ARPC1B: variants seen among roughly 807,000 people sequenced by gnomAD.
ARPC1B encodes actin-related protein 2/3 complex subunit 1B.
A neutral mutation model predicts 46.0 loss-of-function variants in ARPC1B; 29 were observed. The ratio of observed to expected loss-of-function variants is 0.63; its 90% CI spans 0.47 to 0.86. The LOEUF is 0.86. Among genes scored for constraint, ARPC1B ranks in the 40% least tolerant of loss-of-function variants. ARPC1B has a pLI of 0.00. For synonymous variants in ARPC1B, 201 were observed against 213.9 expected (o/e 0.94, Z 0.53); for missense variants, 469 against 529.4 (o/e 0.89, Z 1.12).
In ARPC1B at chr7:99,392,733, C is replaced by T. The variant is rs756166797; in HGVS notation, c.846C>T (p.Gly282=). The T allele has an allele frequency of 3.2e-6, 5 of 1,548,172 alleles. No homozygotes were observed. Among genetic ancestry groups the T allele is most frequent in the East Asian group, 2.4e-5 (1 of 40,850 alleles). Residue 282 remains glycine, a synonymous_variant, in exon 8 of 10, where the codon GGC becomes GGT. Coordinates refer to ENST00000646101, the MANE Select transcript of ARPC1B (RefSeq NM_005720.4). ...CCGCCGCGGGGATGCTGAGCTTCGG[C>T]GGGCGGCTGGACGTTCCTAAGCAGA... is the stretch of plus-strand genomic sequence containing the variant. ...YDAAAGMLSF[G]GRLDVPKQSS...
At chr7:99,390,291 A>G (rs945875894) in intron 5 of ARPC1B, among the ~76,000 whole-genome samples, 1 of 152,008 alleles carries the variant, frequency 6.6e-6, no homozygotes, top group Non-Finnish European at 1.5e-5. Context: ...AGCTCACTGC[A>G]GCCTCCAAAT....
Position 99,391,198 on chromosome 7 carries a change from A to C in ARPC1B, c.728A>C (p.Glu243Ala). The C allele has an allele frequency of 6.2e-7, 1 of 1,614,084 alleles. No homozygotes were observed. Among genetic ancestry groups the C allele is most frequent in the East Asian group, 2.2e-5 (1 of 44,870 alleles). The change falls in exon 7 of 10, where the codon GAA (glutamate) becomes GCA (alanine). Residue 243 changes from glutamate (E) to alanine (A), a missense_variant. By Grantham distance (107) the Glu-to-Ala change is moderately radical (BLOSUM62 -1). Coordinates refer to ENST00000646101, the MANE Select transcript of ARPC1B (RefSeq NM_005720.4). ...KKMAVATLAS[E>A]TLPLLALTFI... Reference sequence around the variant, plus strand: ...CTCAGCGTCGCGACTCTGGCCTCTGAAACACTACCACTGCTGGCGCTGACC... The same window carrying C: ...CTCAGCGTCGCGACTCTGGCCTCTGCAACACTACCACTGCTGGCGCTGACC...
At chr7:99,393,607 G>A (rs1203583159) in intron 8 of ARPC1B, among the ~76,000 whole-genome samples, 1 of 152,178 alleles carries the variant, frequency 6.6e-6, no homozygotes, top group East Asian at 1.9e-4. Flanking sequence ...CGGCGAATCA[G>A]AGGGAGCGGG....
chr7:99,390,501 T>G (rs1188372498), intron 5 of ARPC1B, among the ~76,000 whole-genome samples: 2 of 151,990 alleles, frequency 1.3e-5, no homozygotes, highest in Non-Finnish European at 2.9e-5. Context: ...CTTAGCCTCC[T>G]GAGTAGCTGG....
At chr7:99,390,662 C>T (rs1794542963) in intron 5 of ARPC1B, among the ~76,000 whole-genome samples, 1 of 151,928 alleles carries the variant, frequency 6.6e-6, no homozygotes, top group Admixed American at 6.6e-5. Flanking sequence ...TTACAAGCTT[C>T]AGCCACCATG....
At chr7:99,378,996 C>G (rs1006074728) in intron 1 of ARPC1B, among the ~76,000 whole-genome samples, 4 of 151,856 alleles carry the variant, frequency 2.6e-5, no homozygotes, top group African/African-American at 9.7e-5. Context: ...CCAGGATGGT[C>G]TCGATCTCCT....
At chr7:99,394,198 C>A in intron 9 of ARPC1B, 79 bp downstream of exon 9, 3 of 1,452,480 alleles carry the variant, frequency 2.1e-6, no homozygotes, top group South Asian at 2.3e-5. Flanking sequence ...CTGGAGATGA[C>A]CCCCATCCTT....
At position 99,390,949 on chromosome 7, in the gene ARPC1B, G is replaced by A; in HGVS notation, c.557G>A (p.Gly186Asp). 1 of 1,613,566 alleles carries A rather than the reference G, an allele frequency of 6.2e-7. No individual in the cohort carries two copies. The highest frequency in any genetic ancestry group is 8.5e-7 in the Non-Finnish European group (1 of 1,179,740). Residue 186 changes from glycine (G) to aspartate (D), a missense_variant, in exon 6 of 10, where the codon GGC (glycine) becomes GAC (aspartate). Physicochemically the swap from Gly to Asp is moderately conservative, Grantham distance 94 (BLOSUM62 -1). Transcript: ENST00000646101. ...GAACGGCCGGCACCCACCCCGTGGG[G>A]CTCCAAGATGCCCTTTGGGGAACTG... is the stretch of plus-strand genomic sequence containing the variant. ...VEERPAPTPWGSKMPFGELMF... is the reference protein window; with the variant it reads ...VEERPAPTPWDSKMPFGELMF...
In ARPC1B at chr7:99,392,754, G is replaced by A; in HGVS notation, c.867G>A (p.Lys289=). The A allele has an allele frequency of 6.5e-7, 1 of 1,549,754 alleles. No individual in the cohort carries two copies. Among genetic ancestry groups the A allele is most frequent in the South Asian group, 1.2e-5 (1 of 84,036 alleles). ...LSFGGRLDVP[K]QSSQRGLTAR... ...TCGGCGGGCGGCTGGACGTTCCTAA[G>A]CAGAGCTCGCAGCGTGGCTTGACGG... Residue 289 remains lysine (K), a synonymous_variant, in exon 8 of 10, where the codon AAG becomes AAA. Coordinates refer to ENST00000646101, the MANE Select transcript of ARPC1B (RefSeq NM_005720.4).
upstream of ARPC1B, chr7:99,374,688 C>T (rs986393973): frequency 5.3e-5 from 8 of 152,000 alleles, no homozygotes; most frequent in African/African-American, 1.9e-4. The surrounding 1 kb of genome is among the most constrained non-coding windows in gnomAD (Gnocchi z 5.0). Flanking sequence ...AGGCCCCGCC[C>T]CCCGCCCACG....
intron 1 of ARPC1B, among the ~76,000 whole-genome samples, chr7:99,380,931 A>G (rs1243317170): frequency 6.6e-6 from 1 of 151,978 alleles, no homozygotes; most frequent in Non-Finnish European, 1.5e-5. Flanking sequence ...TCTGGCCTTC[A>G]CCCTGCCCCT....
chr7:99,385,668 T>C lies in ARPC1B; in HGVS notation c.-13-34T>C, dbSNP rs766281319. ...GTGAAGTCAGGGGCAAGGTTGGGGC[T>C]GACGTGGATTCTCTCTTCCTCTCTC... On this transcript the variant is annotated intron_variant, in intron 1 of 9. Transcript: ENST00000646101. 2.3e-5 allele frequency: 37 copies of C among 1,578,486 alleles called. No homozygotes were observed. In the Admixed American group the frequency reaches 4.7e-4, roughly 20 times the overall value.
chr7:99,378,283 G>C (rs1318325893), intron 1 of ARPC1B, among the ~76,000 whole-genome samples: 1 of 151,418 alleles, frequency 6.6e-6, no homozygotes, highest in Non-Finnish European at 1.5e-5. Flanking sequence ...TGTTGCCCAG[G>C]CTGGTCTCCG....
chr7:99,388,222 G>A lies in ARPC1B; in HGVS notation c.353G>A (p.Arg118His), dbSNP rs773335954. The change falls in exon 4 of 10, where the codon CGT becomes CAT. Residue 118 changes from arginine (R) to histidine (H), a missense_variant. Transcript: ENST00000646101. ...ENKFAVGSGS[R>H]VISICYFEQE... ...AAGTTTGCTGTGGGCAGCGGCTCTC[G>A]TGTGATCTCCATCTGTTATTTCGAG... 1.5e-5 allele frequency: 24 copies of A among 1,614,210 alleles called. No individual in the cohort carries two copies. The highest frequency in any genetic ancestry group is 1.6e-4 in the Middle Eastern group (1 of 6,062).
intron 1 of ARPC1B, among the ~76,000 whole-genome samples, chr7:99,382,907 T>C (rs901875327): frequency 6.9e-6 from 1 of 145,260 alleles, no homozygotes; most frequent in African/African-American, 2.6e-5. Context: ...TGCAGTGGTG[T>C]GATTTTGGCT....
chr7:99,379,893 C>T (rs1794159883), intron 1 of ARPC1B, among the ~76,000 whole-genome samples: 1 of 151,948 alleles, frequency 6.6e-6, no homozygotes, highest in South Asian at 2.1e-4. Flanking sequence ...GATCCACCCA[C>T]CTCGGCCTCC....
chr7:99,388,222 G>C lies in ARPC1B; in HGVS notation c.353G>C (p.Arg118Pro), dbSNP rs773335954. 1 of 1,614,210 alleles carries C rather than the reference G, an allele frequency of 6.2e-7. No individual in the cohort carries two copies. Among genetic ancestry groups the C allele is most frequent in the Non-Finnish European group, 8.5e-7 (1 of 1,180,020 alleles). ...ENKFAVGSGS[R>P]VISICYFEQE... Reference sequence around the variant, plus strand: ...AAGTTTGCTGTGGGCAGCGGCTCTCGTGTGATCTCCATCTGTTATTTCGAG... The same window carrying C: ...AAGTTTGCTGTGGGCAGCGGCTCTCCTGTGATCTCCATCTGTTATTTCGAG... The change falls in exon 4 of 10, where the codon CGT (arginine) becomes CCT (proline). Residue 118 changes from arginine to proline, a missense_variant. Arg to Pro is a moderately radical substitution (Grantham distance 103). Transcript: ENST00000646101.
chr7:99,394,071 G>C lies in ARPC1B; in HGVS notation c.1032G>C (p.Gln344His), dbSNP rs774814643. 5.0e-6 allele frequency: 8 copies of C among 1,613,532 alleles called. No homozygotes were observed. In the South Asian group the frequency reaches 8.8e-5, roughly 18 times the overall value. ...GCGGCGGCAAGGCCAAGTGCTCGCAGTTCTGCACCACTGGCATGGATGGCG... is the reference window on the plus strand; with the variant it reads ...GCGGCGGCAAGGCCAAGTGCTCGCACTTCTGCACCACTGGCATGGATGGCG... ...VLSGGKAKCS[Q>H]FCTTGMDGGM... is the part of the protein sequence containing the mutation. Residue 344 changes from glutamine to histidine, a missense_variant, in exon 9 of 10, where the codon CAG becomes CAC. Gln to His is a conservative substitution (Grantham distance 24). Transcript: ENST00000646101.
intron 1 of ARPC1B, among the ~76,000 whole-genome samples, chr7:99,382,648 A>AT (rs991636751): frequency 6.6e-6 from 1 of 151,744 alleles, no homozygotes; most frequent in Non-Finnish European, 1.5e-5. Flanking sequence ...TTTTATTTAA[A>AT]TTTTTTGTAG....
Sources: gnomAD v4.1 joint callset for allele counts (sites outside exome capture counted in the v4.1 genomes callset) on GRCh38, gnomAD v4.1.1 for gene constraint, Gnocchi (gnomAD v3.1) non-coding constraint, MANE v1.5 for transcripts, NCBI Gene and HGNC (gene_info 2026-07-23, HGNC 2026-07-21) for gene names.